Variants in RASGRF1 observed in about 807,000 individuals in gnomAD.
RASGRF1 encodes Ras protein specific guanine nucleotide releasing factor 1, also known as ras-specific guanine nucleotide-releasing factor 1.
RASGRF1 carries 40 observed loss-of-function variants against 138.7 expected under a neutral mutation model. That is an observed-to-expected ratio of 0.29 (90% confidence interval 0.22 to 0.38). The LOEUF is 0.38. Ranked by LOEUF, RASGRF1 falls within the 10% of genes least tolerant of loss-of-function variation. The probability of loss-of-function intolerance (pLI) is 1.00; values close to 1 mark genes in which losing one functional copy is unlikely to be tolerated. For missense variants in RASGRF1, 1,108 were observed against 1,650.4 expected (o/e 0.67, Z 5.69); for synonymous variants, 614 against 663.2 (o/e 0.93, Z 1.14).
Position 79,058,373 on chromosome 15 carries a change from G to T in RASGRF1, c.492C>A (p.Ile164=), listed in dbSNP as rs374748005. ...KTVAKQLRQQ[I]EDGEIEIERL... is the part of the protein sequence containing the mutation. ...GCTCGATCTCGATCTCCCCATCCTCGATCTGCTGCCGAAGCTGCTTGGCCA... is the reference window on the plus strand; with the variant it reads ...GCTCGATCTCGATCTCCCCATCCTCTATCTGCTGCCGAAGCTGCTTGGCCA... The change falls in exon 3 of 27, where the codon ATC becomes ATA. Residue 164 remains isoleucine (I), a synonymous_variant. Coordinates refer to ENST00000558480, the MANE Select transcript of RASGRF1 (RefSeq NM_001145648.3). 66 of 1,613,946 alleles carry T rather than the reference G, an allele frequency of 4.1e-5. No individual in the cohort carries two copies. Among genetic ancestry groups the T allele is most frequent in the Non-Finnish European group, 5.3e-5 (62 of 1,180,024 alleles).
chr15:79,022,515 C>T (rs2056976054), intron 10 of RASGRF1, among the ~76,000 whole-genome samples: 1 of 109,776 alleles, frequency 9.1e-6, no homozygotes, highest in Non-Finnish European at 1.8e-5. Context: ...AAACAGAAAA[C>T]TCCAGATAAA....
intron 10 of RASGRF1, among the ~76,000 whole-genome samples, chr15:79,023,156 A>C (rs2056986894): frequency 6.6e-6 from 1 of 151,820 alleles, no homozygotes; most frequent in Admixed American, 6.6e-5. Flanking sequence ...TCTGGGCGAT[A>C]GACTGAAACT....
chr15:78,969,135 T>A (rs1596308744), intron 26 of RASGRF1, among the ~76,000 whole-genome samples: 1 of 152,218 alleles, frequency 6.6e-6, no homozygotes, highest in Non-Finnish European at 1.5e-5. Flanking sequence ...AATGTTCCAA[T>A]GTTACCATTT....
At chr15:79,083,361 G>A (rs2057938344) in intron 1 of RASGRF1, among the ~76,000 whole-genome samples, 1 of 152,206 alleles carries the variant, frequency 6.6e-6, no homozygotes, top group Admixed American at 6.5e-5. Context: ...TAGTGCTCCT[G>A]CATAAACATC....
chr15:79,087,353 G>A (rs978276707), intron 1 of RASGRF1, among the ~76,000 whole-genome samples: 2 of 152,196 alleles, frequency 1.3e-5, no homozygotes, highest in African/African-American at 4.8e-5. Context: ...TCTACTATGT[G>A]CACGGTCCCT....
chr15:79,043,619 G>C (rs1007282421), intron 5 of RASGRF1, among the ~76,000 whole-genome samples: 2 of 152,168 alleles, frequency 1.3e-5, no homozygotes, highest in Non-Finnish European at 2.9e-5. Flanking sequence ...GCTAAAGTAG[G>C]CAACAGTTGG....
At position 79,032,373 on chromosome 15, in the gene RASGRF1, C is replaced by A; in HGVS notation, c.959-57G>T. 6.4e-7 allele frequency: 1 copy of A among 1,551,078 alleles called. No homozygotes were observed. Among genetic ancestry groups the A allele is most frequent in the Non-Finnish European group, 8.8e-7 (1 of 1,131,832 alleles). On this transcript the variant is annotated intron_variant, in intron 6 of 26. Transcript: ENST00000558480. The surrounding 1 kb of genome is among the most constrained non-coding windows in gnomAD (Gnocchi z 4.5). ...GGGCAGCTTGGTGGGGACAGAATCC[C>A]CTAGGCCCTTGGCTCCCCCAGCTAC...
intron 6 of RASGRF1, among the ~76,000 whole-genome samples, chr15:79,034,747 G>GA (rs2141005844): frequency 6.6e-6 from 1 of 152,032 alleles, no homozygotes; most frequent in Admixed American, 6.5e-5. Context: ...ATGTAAAGTG[G>GA]AAAAAAACCC....
chr15:78,976,122 C>T (rs1295102174), intron 24 of RASGRF1, among the ~76,000 whole-genome samples: 1 of 152,104 alleles, frequency 6.6e-6, no homozygotes, highest in Non-Finnish European at 1.5e-5. Flanking sequence ...CCACCCAGAT[C>T]AGTGAAAAGG....
chr15:79,025,647 G>T (rs1401540049), intron 9 of RASGRF1, among the ~76,000 whole-genome samples, 173 bp from the exon 10 acceptor site: 1 of 152,208 alleles, frequency 6.6e-6, no homozygotes, highest in East Asian at 1.9e-4. Context: ...GGGCCAGATG[G>T]CTGAGGGATG....
At chr15:79,074,256 C>T (rs958056146) in intron 1 of RASGRF1, among the ~76,000 whole-genome samples, 1 of 152,236 alleles carries the variant, frequency 6.6e-6, no homozygotes, top group Non-Finnish European at 1.5e-5. Flanking sequence ...GCTCATGCTT[C>T]AAGGGGAACT....
At chr15:79,072,273 T>G (rs1292395193) in intron 1 of RASGRF1, among the ~76,000 whole-genome samples, 1 of 96,096 alleles carries the variant, frequency 1.0e-5, no homozygotes, top group South Asian at 3.3e-4. Context: ...CAATCTTTTT[T>G]TTTTTTTTTT....
chr15:78,972,631 C>T (rs2055787627), intron 25 of RASGRF1, among the ~76,000 whole-genome samples: 1 of 152,120 alleles, frequency 6.6e-6, no homozygotes, highest in African/African-American at 2.4e-5. Context: ...AGCTTTCGCT[C>T]TTCAGGATGG....
At chr15:78,978,215 C>CTTTTTTTTTTTTTTTTTTTTTTTTTTT (rs2055915117) in intron 24 of RASGRF1, among the ~76,000 whole-genome samples, 1 of 79,344 alleles carries the variant, frequency 1.3e-5, no homozygotes, top group African/African-American at 5.1e-5. Flanking sequence ...TTTTTCTTTT[C>CTTTTTTTTTTTTTTTTTTTTTTTTTTT]TTTTGTTTTT....
At chr15:79,049,246 CT>C (rs1446285275) in intron 4 of RASGRF1, among the ~76,000 whole-genome samples, 4 of 152,156 alleles carry the variant, frequency 2.6e-5, no homozygotes, top group African/African-American at 9.7e-5. Flanking sequence ...ACTCCTTCCT[CT>C]TGTGGAACCT....
At position 79,064,387 on chromosome 15, in the gene RASGRF1, T is replaced by C. The variant is rs781294383; in HGVS notation, c.383+33A>G. On this transcript the variant is annotated intron_variant, in intron 2 of 26. Coordinates refer to ENST00000558480, the MANE Select transcript of RASGRF1 (RefSeq NM_001145648.3). ...GGTCTTTTCTGCCTGGACTGTGGAG[T>C]AGGGGCTTCCTGCCCTGGGCAAGGA... 3 of 1,592,868 alleles carry C rather than the reference T, an allele frequency of 1.9e-6. No individual in the cohort carries two copies. In the South Asian group the frequency reaches 3.3e-5, roughly 18 times the overall value.
rs778717633 is a variant in RASGRF1, at chr15:79,015,320, C to A, written c.1826+7G>T. 1 of 1,610,484 alleles carries A rather than the reference C, an allele frequency of 6.2e-7. No individual in the cohort carries two copies. Among genetic ancestry groups the A allele is most frequent in the Non-Finnish European group, 8.5e-7 (1 of 1,176,650 alleles). ...TGCCTGGTCAAGATGGGGTTAAGGG[C>A]ACTTACTTGATCATCTGCGGCACAG... On this transcript the variant is annotated splice_region_variant and intron_variant, in intron 13 of 26. Transcript: ENST00000558480.
intron 18 of RASGRF1, 81 bp downstream of exon 18, chr15:78,998,638 G>T: frequency 2.5e-6 from 3 of 1,223,920 alleles, no homozygotes; most frequent in Non-Finnish European, 3.6e-6. Flanking sequence ...TCTGCCCGCA[G>T]CTGCTTTTGG....
chr15:79,022,784 C>G (rs1230304930), intron 10 of RASGRF1, among the ~76,000 whole-genome samples: 1 of 152,210 alleles, frequency 6.6e-6, no homozygotes, highest in Admixed American at 6.5e-5. Context: ...AACATATTCC[C>G]TGAAGCCATT....
Sources: gnomAD v4.1 joint callset for allele counts (sites outside exome capture counted in the v4.1 genomes callset) on GRCh38, gnomAD v4.1.1 for gene constraint, Gnocchi (gnomAD v3.1) non-coding constraint, MANE v1.5 for transcripts, NCBI Gene and HGNC (gene_info 2026-07-23, HGNC 2026-07-21) for gene names.